Variants in GMDS observed in about 807,000 individuals in gnomAD.
GMDS encodes GDP-mannose 4,6-dehydratase.
GMDS carries 20 observed loss-of-function variants against 49.9 expected under a neutral mutation model. The observed-to-expected ratio is 0.40, with a 90% CI of 0.28 to 0.58. The LOEUF (loss-of-function observed/expected upper bound fraction) is 0.58, where lower values mean the gene tolerates loss of function less well. Ranked by LOEUF, GMDS falls within the 20% of genes least tolerant of loss-of-function variation. GMDS has a pLI of 0.42. For missense variants in GMDS, 362 were observed against 481.4 expected, an observed-to-expected ratio of 0.75 and a Z score of 2.32; for synonymous variants, 177 against 178.6, an observed-to-expected ratio of 0.99 and a Z score of 0.07.
At chr6:2,228,354 C>T (rs940678970) in intron 1 of GMDS, among the ~76,000 whole-genome samples, 1 of 152,230 alleles carries the variant, frequency 6.6e-6, no homozygotes, top group Non-Finnish European at 1.5e-5. Flanking sequence ...TATAAGCACT[C>T]TCCTTTTCTT....
At chr6:1,967,606 CAGA>C (rs757874657) in intron 4 of GMDS, among the ~76,000 whole-genome samples, 3 of 152,096 alleles carry the variant, frequency 2.0e-5, no homozygotes, top group African/African-American at 2.4e-5. Context: ...ACTCAGAGTG[CAGA>C]AGAAGAATCT....
intron 7 of GMDS, among the ~76,000 whole-genome samples, chr6:1,801,223 C>T (rs1232404221): frequency 6.6e-6 from 1 of 152,168 alleles, no homozygotes; most frequent in Admixed American, 6.5e-5. Context: ...TGCAAGGTGG[C>T]CTCTTGAGGA....
At chr6:1,722,014 T>C (rs1230723470) in intron 9 of GMDS, among the ~76,000 whole-genome samples, 1 of 151,218 alleles carries the variant, frequency 6.6e-6, no homozygotes, top group Non-Finnish European at 1.5e-5. Context: ...ACTAACAATG[T>C]CGTTCTGCTT....
chr6:1,977,146 A>C (rs1395466002), intron 4 of GMDS, among the ~76,000 whole-genome samples: 1 of 152,250 alleles, frequency 6.6e-6, no homozygotes, highest in African/African-American at 2.4e-5. Flanking sequence ...AAAGCAGAGG[A>C]AGAAAAATAC....
intron 7 of GMDS, among the ~76,000 whole-genome samples, chr6:1,871,532 TAAA>T (rs1758751607): frequency 1.3e-5 from 2 of 152,208 alleles, no homozygotes; most frequent in Non-Finnish European, 2.9e-5. Flanking sequence ...CAACCTTTGG[TAAA>T]CTGGAATTTT....
intron 4 of GMDS, among the ~76,000 whole-genome samples, chr6:2,052,131 G>GAAAAAAAAAAAAAAAAAAAAA (rs576035823): frequency 1.0e-5 from 1 of 99,648 alleles, no homozygotes; most frequent in Non-Finnish European, 2.1e-5. Flanking sequence ...AAAAAAAAAA[G>GAAAAAAAAAAAAAAAAAAAAA]AAAAAAAAAA....
At position 1,670,370 on chromosome 6, in the gene GMDS, G is replaced by GT. The variant is rs371549673; in HGVS notation, c.988-45831dup. Among the ~76,000 whole-genome samples the GT allele has an allele frequency of 7.5e-3, 1,079 of 143,220 alleles. 15 individuals are homozygous for GT. The highest frequency in any genetic ancestry group is 0.024 in the African/African-American group (926 of 38,214). 94.0% of individuals were successfully genotyped at this position (143,220 alleles called of 152,430 possible). Reference sequence around the variant, plus strand: ...ATCAAGTGTTTCTGGGTTTTTTTTGGTTTTTTTTTTTTTTCACCTGCACTA... The same window carrying GT: ...ATCAAGTGTTTCTGGGTTTTTTTTGGTTTTTTTTTTTTTTTCACCTGCACTA... On this transcript the variant is annotated intron_variant, in intron 9 of 10. Coordinates refer to ENST00000380815, the MANE Select transcript of GMDS (RefSeq NM_001500.4).
chr6:2,093,075 A>C (rs1454488488), intron 4 of GMDS, among the ~76,000 whole-genome samples: 1 of 152,206 alleles, frequency 6.6e-6, no homozygotes, highest in Non-Finnish European at 1.5e-5. Flanking sequence ...TATAAAAGTA[A>C]GACAAAGCAG....
chr6:1,797,070 C>T (rs1769766822), intron 7 of GMDS, among the ~76,000 whole-genome samples: 1 of 152,150 alleles, frequency 6.6e-6, no homozygotes, highest in Non-Finnish European at 1.5e-5. Context: ...AACTGGGCCG[C>T]AAAGCAGGAG....
intron 4 of GMDS, among the ~76,000 whole-genome samples, chr6:1,981,516 T>C (rs939757063): frequency 3.3e-5 from 5 of 152,102 alleles, no homozygotes; most frequent in African/African-American, 1.2e-4. Context: ...AGACCAATAA[T>C]GAGTCTGAAA....
intron 7 of GMDS, among the ~76,000 whole-genome samples, chr6:1,777,481 G>A (rs1290498944): frequency 6.6e-6 from 1 of 152,064 alleles, no homozygotes; most frequent in Non-Finnish European, 1.5e-5. Flanking sequence ...ACTTTATTTT[G>A]AAAAATTAAG....
chr6:1,688,850 A>T (rs1765074209), intron 9 of GMDS, among the ~76,000 whole-genome samples: 1 of 152,192 alleles, frequency 6.6e-6, no homozygotes, highest in African/African-American at 2.4e-5. Flanking sequence ...TTATTTTTTT[A>T]AAGTCAGCTC....
intron 9 of GMDS, among the ~76,000 whole-genome samples, chr6:1,690,183 T>C (rs1765126283): frequency 6.6e-6 from 1 of 152,220 alleles, no homozygotes; most frequent in South Asian, 2.1e-4. Context: ...GAGCATCATT[T>C]GTTTTAAAGA....
chr6:2,071,948 A>AT (rs1772032012), intron 4 of GMDS, among the ~76,000 whole-genome samples: 1 of 152,158 alleles, frequency 6.6e-6, no homozygotes, highest in African/African-American at 2.4e-5. Flanking sequence ...AAAGCAACGA[A>AT]GGGGGGAAAA....
chr6:2,004,504 T>C (rs1767033741), intron 4 of GMDS, among the ~76,000 whole-genome samples: 1 of 152,228 alleles, frequency 6.6e-6, no homozygotes, highest in African/African-American at 2.4e-5. Context: ...ATTTCTCCTC[T>C]TAAGTCCTTC....
intron 4 of GMDS, among the ~76,000 whole-genome samples, chr6:2,095,376 G>C (rs578246543): frequency 6.6e-6 from 1 of 152,176 alleles, no homozygotes; most frequent in Non-Finnish European, 1.5e-5. Flanking sequence ...GCCACTTGAC[G>C]GATGTCTACA....
In GMDS at chr6:2,087,581, G is replaced by A. The variant is rs9503094; in HGVS notation, c.345+28190C>T. Among the ~76,000 whole-genome samples, 569 of 152,234 alleles carry A rather than the reference G, an allele frequency of 3.7e-3. 4 individuals are homozygous for A. The highest frequency in any genetic ancestry group is 0.013 in the African/African-American group (528 of 41,546). On this transcript the variant is annotated intron_variant, in intron 4 of 10. Transcript: ENST00000380815. Reference sequence around the variant, plus strand: ...TTTCATCTTCACTATTCAAATTTAAGGACAGATTTCTGTGTTTATTCTCAG... The same window carrying A: ...TTTCATCTTCACTATTCAAATTTAAAGACAGATTTCTGTGTTTATTCTCAG...
intron 4 of GMDS, among the ~76,000 whole-genome samples, chr6:1,971,177 T>C (rs1280868125): frequency 3.3e-5 from 5 of 152,128 alleles, no homozygotes; most frequent in African/African-American, 4.8e-5. Context: ...TGCCAGTCTA[T>C]AGTTTGTTCA....
intron 1 of GMDS, among the ~76,000 whole-genome samples, chr6:2,189,247 G>C (rs1185313857): frequency 6.6e-6 from 1 of 152,136 alleles, no homozygotes; most frequent in Non-Finnish European, 1.5e-5. Flanking sequence ...TTTGAGTCTG[G>C]GTTACAGGGA....
Sources: gnomAD v4.1 joint callset for allele counts (sites outside exome capture counted in the v4.1 genomes callset) on GRCh38, gnomAD v4.1.1 for gene constraint, MANE v1.5 for transcripts, NCBI Gene and HGNC (gene_info 2026-07-23, HGNC 2026-07-21) for gene names.